Variants in OSBPL2 observed in about 807,000 individuals in gnomAD.
OSBPL2 encodes oxysterol-binding protein-related protein 2.
In OSBPL2, 18 loss-of-function variants were observed where a neutral mutation model predicts 58.4. The ratio of observed to expected loss-of-function variants is 0.31; its 90% CI spans 0.21 to 0.46. OSBPL2 has a LOEUF of 0.46. Among genes scored for constraint, OSBPL2 ranks in the 20% least tolerant of loss-of-function variants. The pLI is 1.00. For missense variants in OSBPL2, 461 were observed against 616.5 expected (o/e 0.75, Z 2.67); for synonymous variants, 221 against 234.1 (o/e 0.94, Z 0.51).
intron 6 of OSBPL2, among the ~76,000 whole-genome samples, chr20:62,276,526 C>T (rs928244873): frequency 5.9e-5 from 9 of 152,216 alleles, no homozygotes; most frequent in Non-Finnish European, 8.8e-5. Context: ...GCTGCCCGTG[C>T]GTGAATGCCA....
intron 1 of OSBPL2, among the ~76,000 whole-genome samples, chr20:62,241,328 G>A (rs947119755): frequency 6.6e-6 from 1 of 152,268 alleles, no homozygotes; most frequent in African/African-American, 2.4e-5. Context: ...AAGTAGCTGG[G>A]ACTACAGGCG....
chr20:62,278,968 T>C lies in OSBPL2; in HGVS notation c.492-189T>C, dbSNP rs552176058. 7.2e-5 allele frequency: 41 copies of C among 569,802 alleles called. No individual in the cohort carries two copies. The South Asian group carries it at 7.9e-4, about 11-fold the overall frequency. The allele number at this position is 569,802 out of a possible 1,614,324, so 35.3% of individuals were successfully genotyped here. ...CCAAGTGCGATGTCATGTTTGTGTGTGTGTCTGTTGCCAACGTTAGGCCAA... is the reference window on the plus strand; with the variant it reads ...CCAAGTGCGATGTCATGTTTGTGTGCGTGTCTGTTGCCAACGTTAGGCCAA... On this transcript the variant is annotated intron_variant, in intron 6 of 13. Transcript: ENST00000313733.
intron 4 of OSBPL2, among the ~76,000 whole-genome samples, chr20:62,267,254 A>G (rs1035912663): frequency 1.2e-4 from 19 of 152,088 alleles, no homozygotes; most frequent in African/African-American, 4.6e-4. Context: ...CTAACAAACA[A>G]ACAAAGCTGT....
intron 13 of OSBPL2, among the ~76,000 whole-genome samples, chr20:62,293,124 A>G (rs537191810): frequency 6.6e-6 from 1 of 151,876 alleles, no homozygotes; most frequent in African/African-American, 2.4e-5. Context: ...CAGCCTCCCA[A>G]AGTGCTGGAA....
chr20:62,275,403 CTTT>C (rs113767931), intron 6 of OSBPL2, among the ~76,000 whole-genome samples: 2 of 145,350 alleles, frequency 1.4e-5, no homozygotes. Flanking sequence ...TTTCTTGTTC[CTTT>C]TTTTTTTTTT....
rs1203981119 is a variant in OSBPL2 at position 62,269,249 on chromosome 20, C to T, written c.259-2876C>T. 6.6e-6 allele frequency among the ~76,000 whole-genome samples: 1 copy of T among 152,170 alleles called. No homozygotes were observed. Among genetic ancestry groups the T allele is most frequent in the Non-Finnish European group, 1.5e-5 (1 of 68,032 alleles). On this transcript the variant is annotated intron_variant, in intron 4 of 13. Coordinates refer to ENST00000313733, the MANE Select transcript of OSBPL2 (RefSeq NM_144498.4). The surrounding 1 kb of genome is among the most constrained non-coding windows in gnomAD (Gnocchi z 4.2). ...GCGGCGCTCCCTCACATGGCTGCCA[C>T]CTAGCTTATTGGACTGGCGCCCTGT...
chr20:62,254,093 C>T (rs998669909), intron 1 of OSBPL2, among the ~76,000 whole-genome samples: 2 of 152,186 alleles, frequency 1.3e-5, no homozygotes, highest in African/African-American at 4.8e-5. Flanking sequence ...CCAACACGCC[C>T]GGCCGACTCA....
chr20:62,275,825 G>A (rs1982354384), intron 6 of OSBPL2, among the ~76,000 whole-genome samples: 1 of 152,038 alleles, frequency 6.6e-6, no homozygotes, highest in African/African-American at 2.4e-5. Context: ...ATGGCATCTT[G>A]GGTTCCAAGA....
intron 1 of OSBPL2, among the ~76,000 whole-genome samples, chr20:62,243,738 C>T (rs982319760): frequency 1.3e-5 from 2 of 151,816 alleles, no homozygotes; most frequent in Non-Finnish European, 2.9e-5. Flanking sequence ...GGTCAGGACC[C>T]TTTTTTAGAT....
At chr20:62,252,744 C>A (rs1980642725) in intron 1 of OSBPL2, among the ~76,000 whole-genome samples, 1 of 152,270 alleles carries the variant, frequency 6.6e-6, no homozygotes, top group African/African-American at 2.4e-5. Flanking sequence ...GCGCTGGCAT[C>A]TGCTCAGCCT....
At chr20:62,281,651 C>T (rs1982793360) in intron 8 of OSBPL2, 139 bp from the exon 9 acceptor site, 1 of 619,156 alleles carries the variant, frequency 1.6e-6, no homozygotes, top group African/African-American at 1.8e-5. Context: ...ACTTCCATCG[C>T]CCCAAAGGCC....
At chr20:62,292,319 C>T (rs1175134424) in intron 13 of OSBPL2, among the ~76,000 whole-genome samples, 9 of 152,216 alleles carry the variant, frequency 5.9e-5, no homozygotes, top group Non-Finnish European at 1.0e-4. Flanking sequence ...CCTGTCACAC[C>T]GATACCACAT....
chr20:62,284,196 A>T, intron 10 of OSBPL2, 27 bp downstream of exon 10: 1 of 1,613,758 alleles, frequency 6.2e-7, no homozygotes, highest in Non-Finnish European at 8.5e-7. Flanking sequence ...CCCCGGGCAG[A>T]GCTGAGCCCT....
rs1221422376 is a variant in OSBPL2 at position 62,281,185 on chromosome 20, G to A, written c.782+20G>A. The A allele has an allele frequency of 1.3e-6, 2 of 1,562,486 alleles. No homozygotes were observed. The highest frequency in any genetic ancestry group is 8.8e-7 in the Non-Finnish European group (1 of 1,134,440). On this transcript the variant is annotated intron_variant, in intron 8 of 13. Coordinates refer to ENST00000313733, the MANE Select transcript of OSBPL2 (RefSeq NM_144498.4). ...CCACAGGTGACAGCACCCCACCGTTGGGTGAGAGCGCGAGGCTCCGGGTGG... is the reference window on the plus strand; with the variant it reads ...CCACAGGTGACAGCACCCCACCGTTAGGTGAGAGCGCGAGGCTCCGGGTGG...
Position 62,293,956 on chromosome 20 carries a change from G to A in OSBPL2, c.*69G>A, listed in dbSNP as rs768006345. ...CTGGACTTCCTCGAGTGGCCACTGT[G>A]AGCCTCGTCACAGCAGAAACCAACT... On this transcript the variant is annotated 3_prime_UTR_variant, in exon 14 of 14. Coordinates refer to ENST00000313733, the MANE Select transcript of OSBPL2 (RefSeq NM_144498.4). 7.6e-6 allele frequency: 12 copies of A among 1,569,054 alleles called. No homozygotes were observed. Among genetic ancestry groups the A allele is most frequent in the South Asian group, 4.7e-5 (4 of 85,430 alleles).
chr20:62,239,369 A>G (rs545154239), intron 1 of OSBPL2, among the ~76,000 whole-genome samples: 101 of 152,370 alleles, frequency 6.6e-4, no homozygotes, highest in African/African-American at 2.4e-3. Flanking sequence ...TTATAAGCCC[A>G]GACCAAGACT....
chr20:62,248,345 G>A (rs1356206471), intron 1 of OSBPL2, among the ~76,000 whole-genome samples: 1 of 151,536 alleles, frequency 6.6e-6, no homozygotes, highest in East Asian at 2.0e-4. Context: ...TGGTAGAGAT[G>A]GGGTTTCACC....
chr20:62,253,763 A>G (rs1386883432), intron 1 of OSBPL2, among the ~76,000 whole-genome samples: 2 of 146,698 alleles, frequency 1.4e-5, no homozygotes, highest in East Asian at 4.2e-4. Context: ...AGAGCACACT[A>G]AAGGGGGCCA....
At chr20:62,266,685 T>C (rs1981687728) in intron 4 of OSBPL2, among the ~76,000 whole-genome samples, 1 of 152,228 alleles carries the variant, frequency 6.6e-6, no homozygotes, top group Non-Finnish European at 1.5e-5. Context: ...CTCTCCTCCC[T>C]CGTATTTTGA....
Sources: allele counts gnomAD v4.1 joint callset (sites outside exome capture counted in the v4.1 genomes callset), GRCh38; gene constraint gnomAD v4.1.1; non-coding constraint Gnocchi (gnomAD v3.1); transcripts MANE v1.5; gene names NCBI Gene and HGNC (gene_info 2026-07-23, HGNC 2026-07-21).